LDB2: variants seen among roughly 807,000 people sequenced by gnomAD.
LDB2 encodes the protein LIM domain binding 2, also known as LIM domain-binding protein 2.
Under a neutral mutation model 44.3 loss-of-function variants are expected in LDB2, and 12 were observed. The ratio of observed to expected loss-of-function variants is 0.27; its 90% CI spans 0.17 to 0.44. LDB2 has a LOEUF of 0.44. Ranked by LOEUF, LDB2 falls within the 20% of genes least tolerant of loss-of-function variation. LDB2 has a pLI of 1.00. For missense variants in LDB2, 344 were observed against 473.5 expected (o/e 0.73, Z 2.54); for synonymous variants, 164 against 174.8 (o/e 0.94, Z 0.49).
intron 5 of LDB2, among the ~76,000 whole-genome samples, chr4:16,535,707 A>T (rs571563187): frequency 6.6e-6 from 1 of 152,224 alleles, no homozygotes; most frequent in Non-Finnish European, 1.5e-5. Flanking sequence ...ATAGTAAACA[A>T]TAGTAGTAGC....
intron 1 of LDB2, among the ~76,000 whole-genome samples, chr4:16,804,646 C>G (rs1778450371): frequency 6.6e-6 from 1 of 152,116 alleles, no homozygotes; most frequent in South Asian, 2.1e-4. Context: ...AGAGAGGTAA[C>G]AGGAATTGGT....
intron 1 of LDB2, among the ~76,000 whole-genome samples, chr4:16,829,917 C>T (rs929488629): frequency 6.6e-6 from 1 of 151,980 alleles, no homozygotes; most frequent in African/African-American, 2.4e-5. Context: ...CCATCCTGGC[C>T]GACATGGTGA....
In LDB2 at chr4:16,898,492, T is replaced by A. The variant is rs767583423; in HGVS notation, c.-7A>T. The A allele has an allele frequency of 1.2e-6, 2 of 1,613,294 alleles. No individual in the cohort carries two copies. The highest frequency in any genetic ancestry group is 2.2e-5 in the South Asian group (2 of 91,030). ...CATGTGGTGTGCTGGACATCTTGCC[T>A]GCTTTTCGAAAATCAAGCTAAACAG... On this transcript the variant is annotated 5_prime_UTR_variant, in exon 1 of 8. Coordinates refer to ENST00000304523, the MANE Select transcript of LDB2 (RefSeq NM_001290.5).
At position 16,582,920 on chromosome 4, in the gene LDB2, T is replaced by A. The variant is rs1438327174; in HGVS notation, c.615+3002A>T. On this transcript the variant is annotated intron_variant, in intron 5 of 7. Transcript: ENST00000304523. This position sits in a 1 kb window ranked among gnomAD's most constrained non-coding sequence, Gnocchi z 4.8. ...ACGACAAGAGGGAACAGCAGGTGATTTGATAACCCAAATCAAATGACAATA... is the reference window on the plus strand; with the variant it reads ...ACGACAAGAGGGAACAGCAGGTGATATGATAACCCAAATCAAATGACAATA... Among the ~76,000 whole-genome samples the A allele has an allele frequency of 6.6e-6, 1 of 152,100 alleles. No homozygotes were observed. The highest frequency in any genetic ancestry group is 1.5e-5 in the Non-Finnish European group (1 of 68,030).
chr4:16,872,120 A>G (rs10939693), intron 1 of LDB2, among the ~76,000 whole-genome samples: 1 of 151,720 alleles, frequency 6.6e-6, no homozygotes, highest in Non-Finnish European at 1.5e-5. Context: ...TAATAAGCGT[A>G]TGTATGTATA....
intron 2 of LDB2, among the ~76,000 whole-genome samples, chr4:16,740,971 A>G (rs531845943): frequency 6.6e-6 from 1 of 152,364 alleles, no homozygotes; most frequent in Non-Finnish European, 1.5e-5. Flanking sequence ...TCAGTAATGC[A>G]ACTTGTGGAC....
At chr4:16,890,594 G>A (rs1723087124) in intron 1 of LDB2, among the ~76,000 whole-genome samples, 1 of 152,148 alleles carries the variant, frequency 6.6e-6, no homozygotes, top group Non-Finnish European at 1.5e-5. Flanking sequence ...CAGCTGGGAG[G>A]CAACATCCCT....
At chr4:16,850,684 A>AG (rs1474061093) in intron 1 of LDB2, among the ~76,000 whole-genome samples, 2 of 152,160 alleles carry the variant, frequency 1.3e-5, no homozygotes, top group African/African-American at 4.8e-5. Flanking sequence ...TCTTGATCCT[A>AG]GCATAGCTAA....
intron 1 of LDB2, among the ~76,000 whole-genome samples, chr4:16,801,220 G>T (rs1358714981): frequency 6.6e-6 from 1 of 152,162 alleles, no homozygotes; most frequent in African/African-American, 2.4e-5. Context: ...CATCCTGTAA[G>T]CTCTTAAGCC....
intron 2 of LDB2, among the ~76,000 whole-genome samples, chr4:16,677,869 C>T (rs1746724408): frequency 1.3e-5 from 2 of 152,196 alleles, no homozygotes; most frequent in East Asian, 3.8e-4. Flanking sequence ...TTAAGAAACA[C>T]TGGGAAATGG....
chr4:16,525,520 G>C lies in LDB2; in HGVS notation c.616-13416C>G, dbSNP rs138672172. On this transcript the variant is annotated intron_variant, in intron 5 of 7. Transcript: ENST00000304523. ...AGTAAGATTCATGTTGATGATGCCA[G>C]CACTGTATGAAAATGGAGTTGGCAG... Among the ~76,000 whole-genome samples, 15 of 152,328 alleles carry C rather than the reference G, an allele frequency of 9.8e-5. No homozygotes were observed. In the South Asian group the frequency reaches 1.2e-3, roughly 13 times the overall value.
chr4:16,851,258 AG>A (rs779943764), intron 1 of LDB2, among the ~76,000 whole-genome samples: 17 of 152,086 alleles, frequency 1.1e-4, no homozygotes, highest in Non-Finnish European at 1.9e-4. Flanking sequence ...TCTCACAAGC[AG>A]GTACGAGTCA....
At chr4:16,866,567 G>A (rs989727412) in intron 1 of LDB2, among the ~76,000 whole-genome samples, 7 of 152,108 alleles carry the variant, frequency 4.6e-5, no homozygotes, top group African/African-American at 7.2e-5. Context: ...TATACTCTAG[G>A]TTAGTCAATG....
At chr4:16,683,439 C>G (rs1202221462) in intron 2 of LDB2, among the ~76,000 whole-genome samples, 2 of 152,182 alleles carry the variant, frequency 1.3e-5, no homozygotes, top group Non-Finnish European at 2.9e-5. Flanking sequence ...TAATTACAAA[C>G]AGGACCTTGA....
At chr4:16,842,056 C>T (rs940225262) in intron 1 of LDB2, among the ~76,000 whole-genome samples, 1 of 152,178 alleles carries the variant, frequency 6.6e-6, no homozygotes, top group Non-Finnish European at 1.5e-5. Flanking sequence ...ATTTTCATGG[C>T]TTTGGTGAGC....
At chr4:16,573,824 T>C (rs1357450116) in intron 5 of LDB2, among the ~76,000 whole-genome samples, 1 of 152,150 alleles carries the variant, frequency 6.6e-6, no homozygotes, top group African/African-American at 2.4e-5. Context: ...TGAGCAGGGA[T>C]TCCTGTTTCA....
chr4:16,580,084 T>C (rs929166953), intron 5 of LDB2, among the ~76,000 whole-genome samples: 2 of 152,052 alleles, frequency 1.3e-5, no homozygotes, highest in African/African-American at 4.8e-5. Context: ...GAGAGAAGGG[T>C]AGCAACAGCG....
intron 4 of LDB2, 101 bp downstream of exon 4, chr4:16,588,609 A>T: frequency 1.6e-6 from 2 of 1,229,354 alleles, no homozygotes; most frequent in Non-Finnish European, 2.3e-6. Flanking sequence ...CGTGACAACT[A>T]CTGGAATTCT....
chr4:16,693,347 CTTTTTTTT>C (rs71181181), intron 2 of LDB2, among the ~76,000 whole-genome samples: 4 of 112,122 alleles, frequency 3.6e-5, no homozygotes, highest in East Asian at 3.0e-4. Context: ...AGCAATAGTT[CTTTTTTTT>C]TTTTTTTTTT....
Sources: allele counts gnomAD v4.1 joint callset (sites outside exome capture counted in the v4.1 genomes callset), GRCh38; gene constraint gnomAD v4.1.1; non-coding constraint Gnocchi (gnomAD v3.1); transcripts MANE v1.5; gene names NCBI Gene and HGNC (gene_info 2026-07-23, HGNC 2026-07-21).